Variants in PCDH11X observed in about 807,000 individuals in gnomAD.
PCDH11X encodes protocadherin-11 X-linked.
Under a neutral mutation model 53.3 loss-of-function variants are expected in PCDH11X, and 18 were observed. The observed-to-expected ratio is 0.34, with a 90% CI of 0.23 to 0.50. The LOEUF is 0.50. PCDH11X is among the 20% of genes least tolerant of loss of function. The pLI is 0.98. For synonymous variants in PCDH11X, 279 were observed against 393.3 expected, an observed-to-expected ratio of 0.71 and a Z score of 3.44; for missense variants, 570 against 1,032.4, an observed-to-expected ratio of 0.55 and a Z score of 6.14.
At position 92,114,426 on chromosome X, in the gene PCDH11X, A is replaced by G. The variant is rs1312827257; in HGVS notation, c.3034-86949A>G. ...CTTCGGGCTCCATCCCATCGGGGCC[A>G]TTGTCTCTGGATCAGGAATCCTGGC... On this transcript the variant is annotated intron_variant, in intron 6 of 10. Coordinates refer to ENST00000682573, the MANE Select transcript of PCDH11X (RefSeq NM_032968.5). 22 of 885,791 alleles carry G rather than the reference A, an allele frequency of 2.5e-5. No individual in the cohort carries two copies. In the East Asian group the frequency reaches 3.1e-4, roughly 13 times the overall value. 73.0% of individuals were successfully genotyped at this position (885,791 alleles called of 1,213,427 possible).
chrX:92,583,918 ATGAAT>A (rs1211728015), intron 10 of PCDH11X, among the ~76,000 whole-genome samples: 1 of 102,736 alleles, frequency 9.7e-6, no homozygotes, highest in Non-Finnish European at 2.0e-5. Flanking sequence ...TTGAATTCAA[ATGAAT>A]TGAAAGCACA....
intron 6 of PCDH11X, among the ~76,000 whole-genome samples, chrX:91,910,284 T>G (rs1366007833): frequency 9.5e-6 from 1 of 105,012 alleles, no homozygotes; most frequent in East Asian, 3.0e-4. Context: ...TGTGTTTCCC[T>G]GGTTGGGCCT....
At chrX:92,140,491 G>C (rs1468843167) in intron 6 of PCDH11X, among the ~76,000 whole-genome samples, 1 of 111,531 alleles carries the variant, frequency 9.0e-6, no homozygotes, top group African/African-American at 3.2e-5. Context: ...CAATTTACTT[G>C]AGAACAGTAC....
intron 7 of PCDH11X, among the ~76,000 whole-genome samples, chrX:92,214,478 C>T (rs1282405324): frequency 9.0e-6 from 1 of 111,440 alleles, no homozygotes; most frequent in Admixed American, 9.6e-5. Context: ...AATTTGTTTC[C>T]ACATCTGTAA....
intron 7 of PCDH11X, among the ~76,000 whole-genome samples, chrX:92,208,186 C>T (rs1208344054): frequency 2.3e-4 from 12 of 51,652 alleles, no homozygotes; most frequent in African/African-American, 8.6e-4. Flanking sequence ...TAGAGTGAGA[C>T]TCCATCTAAA....
At chrX:92,377,935 G>A (rs775770666) in intron 8 of PCDH11X, among the ~76,000 whole-genome samples, 1 of 109,849 alleles carries the variant, frequency 9.1e-6, no homozygotes, top group Non-Finnish European at 1.9e-5. Context: ...AAGTAAAAGT[G>A]AATATATTCT....
At chrX:91,846,996 T>C (rs1214473420) in intron 5 of PCDH11X, among the ~76,000 whole-genome samples, 3 of 111,657 alleles carry the variant, frequency 2.7e-5, no homozygotes, top group Admixed American at 1.9e-4. Context: ...GCTGTTTATT[T>C]TGATGACTGC....
At chrX:92,052,497 CATAATA>C (rs766842340) in intron 6 of PCDH11X, among the ~76,000 whole-genome samples, 17 of 66,801 alleles carry the variant, frequency 2.5e-4, no homozygotes, top group Non-Finnish European at 8.4e-5. Flanking sequence ...TTAAAAATAC[CATAATA>C]ATAAGTATTG....
chrX:92,570,015 C>CAAAAA (rs766388753), intron 10 of PCDH11X, among the ~76,000 whole-genome samples: 1 of 32,050 alleles, frequency 3.1e-5, no homozygotes, highest in African/African-American at 1.0e-4. Context: ...GACTCAGTCT[C>CAAAAA]AAAAAAAAAA....
intron 6 of PCDH11X, among the ~76,000 whole-genome samples, chrX:91,914,868 G>A (rs1941500141): frequency 1.8e-5 from 2 of 111,488 alleles, no homozygotes; most frequent in African/African-American, 6.5e-5. Context: ...TAGAGGTCTA[G>A]ACATCCAAAT....
intron 9 of PCDH11X, among the ~76,000 whole-genome samples, chrX:92,409,855 T>A (rs1189485880): frequency 2.7e-5 from 3 of 111,949 alleles, no homozygotes; most frequent in Non-Finnish European, 5.6e-5. Context: ...AACATTTGTA[T>A]TTACTAAAAA....
intron 10 of PCDH11X, among the ~76,000 whole-genome samples, chrX:92,478,125 C>G (rs1240575359): frequency 1.8e-5 from 2 of 110,582 alleles, no homozygotes; most frequent in African/African-American, 6.7e-5. Context: ...TCTCCTGCCA[C>G]CTTGTGAAGA....
At chrX:92,461,081 A>C (rs2073033409) in intron 9 of PCDH11X, 1 of 430,714 alleles carries the variant, frequency 2.3e-6, no homozygotes, top group Non-Finnish European at 4.0e-6. Flanking sequence ...ATACAAAAAA[A>C]TTGAAAGACA....
intron 8 of PCDH11X, among the ~76,000 whole-genome samples, chrX:92,272,856 A>G (rs1208630283): frequency 8.9e-6 from 1 of 112,486 alleles, no homozygotes; most frequent in Non-Finnish European, 1.9e-5. Flanking sequence ...GTTGTAAACT[A>G]AAAATTCCAT....
intron 6 of PCDH11X, among the ~76,000 whole-genome samples, chrX:92,110,780 C>A (rs2064486511): frequency 9.0e-6 from 1 of 110,591 alleles, no homozygotes; most frequent in South Asian, 3.8e-4. Context: ...ATCGAGGAAC[C>A]AAAAGGGGGA....
At chrX:92,432,986 G>A (rs1446388796) in intron 9 of PCDH11X, among the ~76,000 whole-genome samples, 4 of 110,747 alleles carry the variant, frequency 3.6e-5, no homozygotes, top group African/African-American at 6.5e-5. Flanking sequence ...AAAGCATACT[G>A]TAAATCCATT....
intron 9 of PCDH11X, among the ~76,000 whole-genome samples, chrX:92,399,780 T>C (rs1463560033): frequency 9.1e-6 from 1 of 109,415 alleles, no homozygotes; most frequent in Non-Finnish European, 1.9e-5. Context: ...CTCGTTCTGT[T>C]GCCCAGGCTG....
chrX:92,529,162 G>A (rs778656619), intron 10 of PCDH11X, among the ~76,000 whole-genome samples: 12 of 111,868 alleles, frequency 1.1e-4, no homozygotes, highest in African/African-American at 2.9e-4. Context: ...GATGTTTACC[G>A]AAATAGGCAG....
chrX:92,250,774 A>G (rs954464274), intron 7 of PCDH11X, among the ~76,000 whole-genome samples: 1 of 109,533 alleles, frequency 9.1e-6, no homozygotes, highest in East Asian at 2.8e-4. Context: ...ATAGGACTCC[A>G]TTCATATGTG....
Sources: gnomAD v4.1 joint callset for allele counts (sites outside exome capture counted in the v4.1 genomes callset) on GRCh38, gnomAD v4.1.1 for gene constraint, MANE v1.5 for transcripts, NCBI Gene and HGNC (gene_info 2026-07-23, HGNC 2026-07-21) for gene names.